The following GREB1L variants were observed in gnomAD, a reference collection of about 807,000 sequenced individuals.
GREB1L encodes the protein GREB1-like protein.
In GREB1L, 17 loss-of-function variants were observed where a neutral mutation model predicts 200.8. The observed-to-expected ratio is 0.08, with a 90% confidence interval of 0.06 to 0.13. The LOEUF is 0.13. GREB1L is among the 10% of genes least tolerant of loss of function. The probability of loss-of-function intolerance (pLI) is 1.00; values close to 1 mark genes in which losing one functional copy is unlikely to be tolerated. For missense variants in GREB1L, 1,657 were observed against 2,367.7 expected (o/e 0.70, Z 6.23); for synonymous variants, 789 against 893.0 (o/e 0.88, Z 2.08).
At chr18:21,277,679 A>T (rs563740854) in intron 1 of GREB1L, among the ~76,000 whole-genome samples, 1 of 152,146 alleles carries the variant, frequency 6.6e-6, no homozygotes, top group South Asian at 2.1e-4. Flanking sequence ...TTCTAATGTG[A>T]TCTCAAACTG....
intron 1 of GREB1L, among the ~76,000 whole-genome samples, chr18:21,309,279 C>T (rs1443356): frequency 0.066 from 10,017 of 152,262 alleles, 504 homozygotes; most frequent in Admixed American, 0.14. Context: ...CCCTACATGG[C>T]TGTCAATGCC....
chr18:21,500,957 T>A (rs925262498), intron 23 of GREB1L, among the ~76,000 whole-genome samples: 3 of 151,402 alleles, frequency 2.0e-5, no homozygotes, highest in Non-Finnish European at 4.4e-5. Flanking sequence ...TAATTCCAGC[T>A]ACTCAGGAGG....
chr18:21,290,426 CT>C (rs1464180958), intron 1 of GREB1L, among the ~76,000 whole-genome samples: 2 of 152,166 alleles, frequency 1.3e-5, no homozygotes, highest in African/African-American at 2.4e-5. Context: ...AAAAACACAG[CT>C]TATATAAATG....
chr18:21,355,985 T>TA (rs1473239651), intron 1 of GREB1L, among the ~76,000 whole-genome samples: 4 of 140,740 alleles, frequency 2.8e-5, no homozygotes, highest in East Asian at 4.0e-4. Flanking sequence ...TAGGCTTCTT[T>TA]TTTTTTTTTT....
intron 1 of GREB1L, among the ~76,000 whole-genome samples, chr18:21,277,283 A>G (rs547323648): frequency 1.3e-5 from 2 of 152,210 alleles, no homozygotes; most frequent in African/African-American, 4.8e-5. Context: ...TCACTATGTC[A>G]TAAGATTTAG....
In GREB1L at chr18:21,272,647, T is replaced by G. The variant is rs1158233684; in HGVS notation, c.-120+30254T>G. Among the ~76,000 whole-genome samples, 3 of 152,192 alleles carry G rather than the reference T, an allele frequency of 2.0e-5. No individual in the cohort carries two copies. In the East Asian group the frequency reaches 5.8e-4, roughly 29 times the overall value. ...CACCTTCCTTGACCTCTCCAGACAA[T>G]AAGCAGCTCACTGCATTTACTTCTG... On this transcript the variant is annotated intron_variant, in intron 1 of 32. Transcript: ENST00000424526.
At chr18:21,280,947 A>G (rs971706392) in intron 1 of GREB1L, among the ~76,000 whole-genome samples, 3 of 152,094 alleles carry the variant, frequency 2.0e-5, no homozygotes, top group African/African-American at 7.2e-5. Context: ...ACTGGTTACT[A>G]TCTTTCTGGG....
intron 11 of GREB1L, among the ~76,000 whole-genome samples, chr18:21,445,308 C>T (rs2034151407): frequency 1.3e-5 from 2 of 152,172 alleles, no homozygotes; most frequent in African/African-American, 4.8e-5. Context: ...AACCCCATCT[C>T]TACTAAAAAT....
intron 1 of GREB1L, among the ~76,000 whole-genome samples, chr18:21,301,872 A>G (rs1170791900): frequency 1.3e-5 from 2 of 152,176 alleles, no homozygotes; most frequent in African/African-American, 4.8e-5. Context: ...TCATAACTTA[A>G]TTTTTGGCCT....
At chr18:21,260,446 A>C (rs1425859910) in intron 1 of GREB1L, among the ~76,000 whole-genome samples, 1 of 151,666 alleles carries the variant, frequency 6.6e-6, no homozygotes, top group Admixed American at 6.6e-5. Flanking sequence ...CTTGTACAAT[A>C]ATATTTTAGC....
chr18:21,371,128 G>C (rs919976667), intron 2 of GREB1L, among the ~76,000 whole-genome samples: 3 of 151,994 alleles, frequency 2.0e-5, no homozygotes, highest in African/African-American at 7.2e-5. Flanking sequence ...TGAAATTTTA[G>C]TTCCCCAGTC....
chr18:21,329,968 TTGG>T (rs1433803549), intron 1 of GREB1L, among the ~76,000 whole-genome samples: 4 of 107,446 alleles, frequency 3.7e-5, no homozygotes, highest in African/African-American at 1.4e-4. Flanking sequence ...GGTTTTTTTT[TTGG>T]GGGGGGGGGG....
chr18:21,455,607 C>T (rs971127658), intron 15 of GREB1L, among the ~76,000 whole-genome samples: 8 of 151,194 alleles, frequency 5.3e-5, no homozygotes, highest in South Asian at 2.1e-4. Context: ...CACTTGAACC[C>T]GGAAGGCAGA....
At chr18:21,267,918 T>C (rs1226071695) in intron 1 of GREB1L, among the ~76,000 whole-genome samples, 1 of 151,456 alleles carries the variant, frequency 6.6e-6, no homozygotes, top group Admixed American at 6.6e-5. Context: ...GGATTCTCCA[T>C]ACAAATAAGA....
At chr18:21,304,123 G>T (rs1567929173) in intron 1 of GREB1L, among the ~76,000 whole-genome samples, 1 of 152,152 alleles carries the variant, frequency 6.6e-6, no homozygotes. Context: ...ATCTGGGTGT[G>T]ACCTATGTGT....
At chr18:21,459,992 C>T (rs1352325025) in intron 15 of GREB1L, among the ~76,000 whole-genome samples, 1 of 152,276 alleles carries the variant, frequency 6.6e-6, no homozygotes, top group South Asian at 2.1e-4. Flanking sequence ...CTGCCCGCCT[C>T]GTCATACCCT....
intron 17 of GREB1L, among the ~76,000 whole-genome samples, chr18:21,483,997 C>T: frequency 6.7e-6 from 1 of 150,356 alleles, no homozygotes; most frequent in East Asian, 2.0e-4. Flanking sequence ...AAAAAAAGCT[C>T]AGAATTTGGG....
At chr18:21,456,103 A>G (rs1441271559) in intron 15 of GREB1L, among the ~76,000 whole-genome samples, 2 of 151,866 alleles carry the variant, frequency 1.3e-5, no homozygotes, top group African/African-American at 2.4e-5. Flanking sequence ...ACAGGGTTTC[A>G]CTATATTGGC....
At chr18:21,265,109 G>A (rs1233302556) in intron 1 of GREB1L, among the ~76,000 whole-genome samples, 1 of 151,980 alleles carries the variant, frequency 6.6e-6, no homozygotes, top group African/African-American at 2.4e-5. Context: ...TGAGATGAAG[G>A]AAAAAGAGAA....
Sources: gnomAD v4.1 joint callset for allele counts (sites outside exome capture counted in the v4.1 genomes callset) on GRCh38, gnomAD v4.1.1 for gene constraint, MANE v1.5 for transcripts, NCBI Gene and HGNC (gene_info 2026-07-23, HGNC 2026-07-21) for gene names.